KLHL29: variants seen among roughly 807,000 people sequenced by gnomAD.
KLHL29 encodes kelch like family member 29.
Under a neutral mutation model 80.4 loss-of-function variants are expected in KLHL29, and 21 were observed. The observed-to-expected ratio is 0.26, with a 90% confidence interval of 0.19 to 0.38. KLHL29 has a LOEUF of 0.38. KLHL29 is among the 10% of genes least tolerant of loss of function. The pLI, the probability that KLHL29 is intolerant of heterozygous loss-of-function variation, is 1.00. For synonymous variants in KLHL29, 511 were observed against 526.8 expected, an observed-to-expected ratio of 0.97 and a Z score of 0.41; for missense variants, 867 against 1,223.9, an observed-to-expected ratio of 0.71 and a Z score of 4.35.
At chr2:23,507,907 T>C (rs1056997394) in intron 2 of KLHL29, among the ~76,000 whole-genome samples, 1 of 152,236 alleles carries the variant, frequency 6.6e-6, no homozygotes, top group African/African-American at 2.4e-5. Flanking sequence ...TTTGGCCACT[T>C]ACATGTTTGC....
At chr2:23,572,756 A>G (rs950581244) in intron 3 of KLHL29, among the ~76,000 whole-genome samples, 20 of 147,880 alleles carry the variant, frequency 1.4e-4, no homozygotes, top group Admixed American at 1.1e-3. Flanking sequence ...GCTGGAGTGC[A>G]GTGGCACGAT....
chr2:23,551,771 A>T (rs893257294), intron 2 of KLHL29, among the ~76,000 whole-genome samples: 5 of 152,184 alleles, frequency 3.3e-5, no homozygotes, highest in Non-Finnish European at 7.3e-5. Flanking sequence ...ATCCTGTCCC[A>T]TTCCCCACCC....
intron 5 of KLHL29, among the ~76,000 whole-genome samples, chr2:23,645,990 TACAAG>T (rs973685833): frequency 6.9e-4 from 105 of 152,332 alleles, no homozygotes; most frequent in African/African-American, 2.4e-3. Context: ...TTAAGAAACT[TACAAG>T]ACAAATCTTT....
chr2:23,403,726 AGTGTGTGTGTGTGTGT>A (rs36116395), intron 1 of KLHL29, among the ~76,000 whole-genome samples: 4 of 144,012 alleles, frequency 2.8e-5, no homozygotes, highest in African/African-American at 8.0e-5. Context: ...AGAGAGAGAG[AGTGTGTGTGTGTGTGT>A]GTGTGTGTGT....
chr2:23,706,273 T>C (rs969016751), intron 13 of KLHL29, among the ~76,000 whole-genome samples: 1 of 152,104 alleles, frequency 6.6e-6, no homozygotes, highest in Admixed American at 6.5e-5. Context: ...GCTCGCAGGG[T>C]GGCATAGCAC....
chr2:23,576,908 C>T (rs1052296936), intron 3 of KLHL29, among the ~76,000 whole-genome samples: 9 of 152,174 alleles, frequency 5.9e-5, no homozygotes, highest in African/African-American at 2.2e-4. Context: ...TTGATAGACC[C>T]GCGGTCAGAT....
chr2:23,585,148 C>T (rs1041434057), intron 3 of KLHL29, among the ~76,000 whole-genome samples: 1 of 152,228 alleles, frequency 6.6e-6, no homozygotes, highest in East Asian at 1.9e-4. Context: ...GCTGAATGAA[C>T]AGGCTCTGTC....
chr2:23,446,026 A>C (rs1004799789), intron 1 of KLHL29, among the ~76,000 whole-genome samples: 1 of 151,452 alleles, frequency 6.6e-6, no homozygotes, highest in Non-Finnish European at 1.5e-5. Flanking sequence ...TCGTTTTTTC[A>C]TTTTTTAACT....
At chr2:23,643,811 T>C (rs3731618) in intron 5 of KLHL29, 14,442 of 152,310 alleles carry the variant, frequency 0.095, 1,699 homozygotes, top group East Asian at 0.46. Context: ...TAAGGGTCCA[T>C]GGCAAACAGT....
At chr2:23,495,601 C>T (rs187748789) in intron 2 of KLHL29, among the ~76,000 whole-genome samples, 1 of 152,306 alleles carries the variant, frequency 6.6e-6, no homozygotes, top group African/African-American at 2.4e-5. Flanking sequence ...GTCCCAGCTT[C>T]TCTCCAGGAC....
At chr2:23,505,403 C>T (rs1336143479) in intron 2 of KLHL29, among the ~76,000 whole-genome samples, 1 of 152,232 alleles carries the variant, frequency 6.6e-6, no homozygotes, top group African/African-American at 2.4e-5. Flanking sequence ...GAGGCCTCTC[C>T]AGCTCTCTGC....
At chr2:23,558,363 CT>C (rs1322297917) in intron 2 of KLHL29, among the ~76,000 whole-genome samples, 1 of 151,544 alleles carries the variant, frequency 6.6e-6, no homozygotes, top group Non-Finnish European at 1.5e-5. Flanking sequence ...CAGGCCTGTC[CT>C]TCAAGGTTCG....
At chr2:23,438,127 A>G (rs1486591854) in intron 1 of KLHL29, among the ~76,000 whole-genome samples, 2 of 149,818 alleles carry the variant, frequency 1.3e-5, no homozygotes, top group African/African-American at 5.0e-5. Context: ...TTATTGGTGT[A>G]TAAGAATGCT....
At chr2:23,576,042 C>T (rs1050732400) in intron 3 of KLHL29, among the ~76,000 whole-genome samples, 8 of 152,240 alleles carry the variant, frequency 5.3e-5, no homozygotes, top group Non-Finnish European at 1.2e-4. Flanking sequence ...CAGTGGCTCA[C>T]GCCTGGAGTC....
intron 2 of KLHL29, among the ~76,000 whole-genome samples, chr2:23,509,229 T>C (rs1203365071): frequency 6.6e-6 from 1 of 152,122 alleles, no homozygotes; most frequent in Non-Finnish European, 1.5e-5. Context: ...TACCGGGTTA[T>C]TTCTGCCTCC....
At chr2:23,590,283 G>GTT (rs35183081) in intron 3 of KLHL29, among the ~76,000 whole-genome samples, 3 of 152,010 alleles carry the variant, frequency 2.0e-5, no homozygotes, top group South Asian at 2.1e-4. Flanking sequence ...ACATTCTGAA[G>GTT]TTTTTTTGCC....
intron 3 of KLHL29, among the ~76,000 whole-genome samples, chr2:23,638,476 C>T (rs924354694): frequency 1.3e-5 from 2 of 152,094 alleles, no homozygotes; most frequent in African/African-American, 4.8e-5. Flanking sequence ...AGCCTGTCTC[C>T]TTCCTGCACA....
chr2:23,498,430 T>C (rs1653754), intron 2 of KLHL29, among the ~76,000 whole-genome samples: 96,178 of 151,696 alleles, frequency 0.63, 30,684 homozygotes, highest in Non-Finnish European at 0.68. Flanking sequence ...AAACACCCGA[T>C]CAGGCAGGAG....
intron 1 of KLHL29, among the ~76,000 whole-genome samples, chr2:23,422,322 G>A (rs948627145): frequency 6.6e-6 from 1 of 151,074 alleles, no homozygotes; most frequent in African/African-American, 2.4e-5. Flanking sequence ...GTGTGTACAT[G>A]TGCCAGTGGG....
Sources: allele counts gnomAD v4.1 joint callset (sites outside exome capture counted in the v4.1 genomes callset), GRCh38; gene constraint gnomAD v4.1.1; transcripts MANE v1.5; gene names NCBI Gene and HGNC (gene_info 2026-07-23, HGNC 2026-07-21).